The following MAGI2 variants were observed in gnomAD, a reference collection of about 807,000 sequenced individuals.
The protein encoded by MAGI2 is membrane-associated guanylate kinase, WW and PDZ domain-containing protein 2.
A neutral mutation model predicts 133.3 loss-of-function variants in MAGI2; 35 were observed. The ratio of observed to expected loss-of-function variants is 0.26; its 90% CI spans 0.20 to 0.35. The LOEUF (loss-of-function observed/expected upper bound fraction) is 0.35. Ranked by LOEUF, MAGI2 falls within the 10% of genes least tolerant of loss-of-function variation. The pLI, the probability that MAGI2 is intolerant of heterozygous loss-of-function variation, is 1.00. For synonymous variants in MAGI2, 729 were observed against 710.6 expected, an observed-to-expected ratio of 1.03 and a Z score of -0.41; for missense variants, 1,636 against 1,863.4, an observed-to-expected ratio of 0.88 and a Z score of 2.25.
At chr7:78,236,986 C>G (rs1382398582) in intron 10 of MAGI2, among the ~76,000 whole-genome samples, 2 of 152,094 alleles carry the variant, frequency 1.3e-5, no homozygotes, top group Non-Finnish European at 2.9e-5. Flanking sequence ...CTTACTATCA[C>G]AAGAACAGCA....
At chr7:78,333,843 T>C (rs55772229) in intron 9 of MAGI2, among the ~76,000 whole-genome samples, 39,073 of 152,164 alleles carry the variant, frequency 0.26, 5,476 homozygotes, top group East Asian at 0.54. Context: ...GACAGCGACC[T>C]GCCTGATCCT....
At chr7:79,193,277 A>G (rs548664186) in intron 1 of MAGI2, among the ~76,000 whole-genome samples, 1 of 152,126 alleles carries the variant, frequency 6.6e-6, no homozygotes, top group East Asian at 1.9e-4. Context: ...TTATGCGGAC[A>G]ATGTTGATAG....
At chr7:78,201,253 G>A in intron 10 of MAGI2, 60 bp from the exon 11 acceptor site, 2 of 782,288 alleles carry the variant, frequency 2.6e-6, no homozygotes, top group Middle Eastern at 5.8e-4. Context: ...ACTTATGGGT[G>A]GCACGATATT....
chr7:78,386,172 C>T (rs1450317423), intron 6 of MAGI2, among the ~76,000 whole-genome samples: 1 of 151,976 alleles, frequency 6.6e-6, no homozygotes, highest in Non-Finnish European at 1.5e-5. Flanking sequence ...ATACAAAATC[C>T]CTTTTGATAA....
intron 1 of MAGI2, among the ~76,000 whole-genome samples, chr7:79,042,652 C>T (rs1435303262): frequency 6.6e-6 from 1 of 152,134 alleles, no homozygotes; most frequent in African/African-American, 2.4e-5. Context: ...GAGACTTCAA[C>T]ACCCCACTGA....
intron 9 of MAGI2, among the ~76,000 whole-genome samples, chr7:78,303,661 T>C (rs184675554): frequency 2.6e-5 from 4 of 152,318 alleles, no homozygotes; most frequent in African/African-American, 9.6e-5. Context: ...ACTTAGATTT[T>C]CAATCTTCAC....
At chr7:79,182,952 A>G (rs141866748) in intron 1 of MAGI2, among the ~76,000 whole-genome samples, 30 of 152,054 alleles carry the variant, frequency 2.0e-4, no homozygotes, top group African/African-American at 7.2e-4. Context: ...TAGAAAGACA[A>G]ATATTGCATT....
At chr7:79,310,194 A>G (rs1157307695) in intron 1 of MAGI2, among the ~76,000 whole-genome samples, 2 of 93,100 alleles carry the variant, frequency 2.1e-5, no homozygotes, top group South Asian at 3.5e-4. Flanking sequence ...AAAAAAAAAA[A>G]AGAGAGAGAG....
intron 2 of MAGI2, among the ~76,000 whole-genome samples, chr7:78,839,872 C>G (rs1472179020): frequency 6.6e-6 from 1 of 152,016 alleles, no homozygotes; most frequent in East Asian, 1.9e-4. Flanking sequence ...AAAGTCTGGT[C>G]TTTTCTTAGA....
At chr7:78,397,117 T>C (rs1049356998) in intron 6 of MAGI2, among the ~76,000 whole-genome samples, 3 of 152,038 alleles carry the variant, frequency 2.0e-5, no homozygotes, top group Admixed American at 6.6e-5. Flanking sequence ...AATGTTTATA[T>C]TCAGGAAACT....
intron 1 of MAGI2, among the ~76,000 whole-genome samples, chr7:79,390,642 G>A (rs1844534762): frequency 1.3e-5 from 2 of 152,122 alleles, no homozygotes; most frequent in Admixed American, 1.3e-4. Context: ...AAGTATGTGG[G>A]AATAGTCAAA....
chr7:78,051,582 A>G (rs1160469302), intron 21 of MAGI2, among the ~76,000 whole-genome samples: 1 of 152,010 alleles, frequency 6.6e-6, no homozygotes, highest in Non-Finnish European at 1.5e-5. Context: ...TGGAGATGCT[A>G]TAGTTTGGAG....
At chr7:79,254,367 C>T (rs1833540271) in intron 1 of MAGI2, among the ~76,000 whole-genome samples, 1 of 152,128 alleles carries the variant, frequency 6.6e-6, no homozygotes, top group African/African-American at 2.4e-5. Flanking sequence ...ATTTAATTTG[C>T]ATGTATAATA....
At chr7:78,760,741 AGT>A (rs990432802) in intron 2 of MAGI2, among the ~76,000 whole-genome samples, 1 of 152,140 alleles carries the variant, frequency 6.6e-6, no homozygotes, top group Admixed American at 6.5e-5. Context: ...CCGATATGTA[AGT>A]GTGTGTGCAA....
intron 1 of MAGI2, among the ~76,000 whole-genome samples, chr7:79,092,828 TC>T (rs1817181137): frequency 1.3e-5 from 2 of 152,130 alleles, no homozygotes; most frequent in Non-Finnish European, 2.9e-5. Flanking sequence ...CATCACTACA[TC>T]AACCCCTAAT....
intron 1 of MAGI2, among the ~76,000 whole-genome samples, chr7:79,055,353 C>A (rs187351137): frequency 6.6e-6 from 1 of 151,820 alleles, no homozygotes; most frequent in Non-Finnish European, 1.5e-5. Context: ...ATAATATGTA[C>A]TCAATTGATA....
chr7:78,932,676 T>C (rs1051609511), intron 2 of MAGI2, among the ~76,000 whole-genome samples: 1 of 152,026 alleles, frequency 6.6e-6, no homozygotes, highest in Non-Finnish European at 1.5e-5. Context: ...TATGAATGTT[T>C]AATAGGATGG....
intron 1 of MAGI2, among the ~76,000 whole-genome samples, chr7:79,441,136 C>T (rs4730838): frequency 0.56 from 85,550 of 152,070 alleles, 24,342 homozygotes; most frequent in African/African-American, 0.64. Context: ...TTCCTTCCCG[C>T]GGTCTGAGGC....
At chr7:79,350,432 A>G (rs949306562) in intron 1 of MAGI2, among the ~76,000 whole-genome samples, 1 of 152,178 alleles carries the variant, frequency 6.6e-6, no homozygotes. Flanking sequence ...TTGGGAACAT[A>G]TAATTTAACA....
Sources: allele counts gnomAD v4.1 joint callset (sites outside exome capture counted in the v4.1 genomes callset), GRCh38; gene constraint gnomAD v4.1.1; transcripts MANE v1.5; gene names NCBI Gene and HGNC (gene_info 2026-07-23, HGNC 2026-07-21).